Variants in TNFRSF10D observed in about 807,000 individuals in gnomAD.
TNFRSF10D encodes the protein tumor necrosis factor receptor superfamily member 10D.
TNFRSF10D carries 28 observed loss-of-function variants against 42.1 expected under a neutral mutation model. The ratio of observed to expected loss-of-function variants is 0.66; its 90% CI spans 0.49 to 0.91. The LOEUF (loss-of-function observed/expected upper bound fraction) is 0.91, where lower values mean the gene tolerates loss of function less well. Among genes scored for constraint, TNFRSF10D ranks in the 40% least tolerant of loss-of-function variants. The pLI, the probability that TNFRSF10D is intolerant of heterozygous loss-of-function variation, is 0.00. For missense variants in TNFRSF10D, 503 were observed against 486.1 expected, an observed-to-expected ratio of 1.03 and a Z score of -0.33; for synonymous variants, 186 against 189.4, an observed-to-expected ratio of 0.98 and a Z score of 0.15.
Position 23,136,906 on chromosome 8 carries a change from G to T in TNFRSF10D, c.*964C>A, listed in dbSNP as rs1283726708. The T allele has an allele frequency of 1.3e-5, 2 of 152,104 alleles. No homozygotes were observed. The allele number at this position is 152,104 out of a possible 1,614,324, so 9.4% of individuals were successfully genotyped here. A position where few individuals can be genotyped will look rare whatever the true frequency, so the allele number is the denominator to read the frequency against. ...TCAAACCCTGGTCCAGTCTCAGGGC[G>T]CAGGAGGGAGAACTGGAATGCAGTA... On this transcript the variant is annotated 3_prime_UTR_variant, in exon 9 of 9. Transcript: ENST00000312584.
intron 7 of TNFRSF10D, among the ~76,000 whole-genome samples, chr8:23,140,038 T>C (rs6983336): frequency 0.044 from 6,610 of 151,670 alleles, 446 homozygotes; most frequent in African/African-American, 0.14. Flanking sequence ...GCCTGTAATC[T>C]CAGCACTTTG....
At chr8:23,138,416 T>C (rs888116256) in intron 7 of TNFRSF10D, among the ~76,000 whole-genome samples, 156 bp from the exon 8 acceptor site, 4 of 152,200 alleles carry the variant, frequency 2.6e-5, no homozygotes, top group Non-Finnish European at 5.9e-5. Context: ...GCTCTTGGGC[T>C]CTGTGTGCTG....
chr8:23,149,969 C>T (rs1800193789), intron 2 of TNFRSF10D, among the ~76,000 whole-genome samples: 1 of 152,174 alleles, frequency 6.6e-6, no homozygotes, highest in Non-Finnish European at 1.5e-5. Flanking sequence ...CGGTGCCTGA[C>T]TGACAGAAAT....
chr8:23,155,228 A>G (rs1197845031), intron 1 of TNFRSF10D, among the ~76,000 whole-genome samples: 178 of 149,754 alleles, frequency 1.2e-3, no homozygotes, highest in African/African-American at 3.7e-3. Context: ...CCCAGAAAAT[A>G]TGAGCAGAAG....
At chr8:23,163,587 C>A (rs927114738) in intron 1 of TNFRSF10D, among the ~76,000 whole-genome samples, 199 bp downstream of exon 1, 5 of 152,166 alleles carry the variant, frequency 3.3e-5, no homozygotes, top group Non-Finnish European at 7.4e-5. Flanking sequence ...GCGCGCTCTG[C>A]TCCCTCGCGG....
At chr8:23,160,906 C>T (rs1800357804) in intron 1 of TNFRSF10D, among the ~76,000 whole-genome samples, 1 of 152,270 alleles carries the variant, frequency 6.6e-6, no homozygotes, top group African/African-American at 2.4e-5. Flanking sequence ...TGTGGCCCTG[C>T]AGTGCCATCG....
chr8:23,144,723 C>A, intron 6 of TNFRSF10D, 88 bp from the exon 7 acceptor site: 2 of 1,484,908 alleles, frequency 1.3e-6, no homozygotes, highest in Non-Finnish European at 1.8e-6. Flanking sequence ...CATCCCCAAC[C>A]CCTTCCAATG....
intron 2 of TNFRSF10D, among the ~76,000 whole-genome samples, chr8:23,151,299 C>G (rs117650687): frequency 1.3e-3 from 195 of 151,352 alleles, no homozygotes; most frequent in Non-Finnish European, 1.2e-3. Flanking sequence ...CTACACCTGG[C>G]AAGCCTGTCC....
At position 23,144,717 on chromosome 8, in the gene TNFRSF10D, C is replaced by T. The variant is rs558660132; in HGVS notation, c.769-82G>A. Reference sequence around the variant, plus strand: ...CCAGTACACAGCTGGACCTGCCATCCCCAACCCCTTCCAATGAGGTCACCC... The same window carrying T: ...CCAGTACACAGCTGGACCTGCCATCTCCAACCCCTTCCAATGAGGTCACCC... On this transcript the variant is annotated intron_variant, in intron 6 of 8. Coordinates refer to ENST00000312584, the MANE Select transcript of TNFRSF10D (RefSeq NM_003840.5). 63 of 1,505,536 alleles carry T rather than the reference C, an allele frequency of 4.2e-5. No homozygotes were observed. In the African/African-American group the frequency reaches 7.6e-4, roughly 18 times the overall value. 93.3% of individuals were successfully genotyped at this position (1,505,536 alleles called of 1,614,324 possible).
chr8:23,148,618 C>T, intron 2 of TNFRSF10D, 67 bp from the exon 3 acceptor site: 1 of 1,253,638 alleles, frequency 8.0e-7, no homozygotes, highest in African/African-American at 1.5e-5. Context: ...CAATGGCTGG[C>T]AAATTTCTCT....
chr8:23,155,285 G>C (rs1229718877), intron 1 of TNFRSF10D, among the ~76,000 whole-genome samples: 2 of 149,844 alleles, frequency 1.3e-5, no homozygotes, highest in East Asian at 3.9e-4. Context: ...GCCCAGGCTA[G>C]AATGCAGTGT....
chr8:23,147,615 C>T (rs1044730828), intron 3 of TNFRSF10D, among the ~76,000 whole-genome samples: 1 of 152,194 alleles, frequency 6.6e-6, no homozygotes, highest in Non-Finnish European at 1.5e-5. Flanking sequence ...GATTTCCCAG[C>T]CTGGTGGCAT....
intron 7 of TNFRSF10D, among the ~76,000 whole-genome samples, chr8:23,141,747 G>A (rs1162616668): frequency 6.6e-6 from 1 of 152,054 alleles, no homozygotes; most frequent in Non-Finnish European, 1.5e-5. Flanking sequence ...TCAGAGAAAT[G>A]CAAATCAAAA....
intron 1 of TNFRSF10D, among the ~76,000 whole-genome samples, chr8:23,157,380 T>G (rs1428410615): frequency 1.3e-5 from 2 of 152,208 alleles, no homozygotes; most frequent in African/African-American, 4.8e-5. Flanking sequence ...ATAACCAAAT[T>G]TTAGAATTCC....
At chr8:23,145,216 C>G in intron 5 of TNFRSF10D, 127 bp from the exon 6 acceptor site, 1 of 1,176,514 alleles carries the variant, frequency 8.5e-7, no homozygotes, top group South Asian at 1.4e-5. Context: ...GGGCTGGGGA[C>G]AGAATGGGGC....
chr8:23,162,664 G>A (rs1373521124), intron 1 of TNFRSF10D, among the ~76,000 whole-genome samples: 1 of 152,108 alleles, frequency 6.6e-6, no homozygotes, highest in Non-Finnish European at 1.5e-5. Flanking sequence ...AACTCACAAC[G>A]AGAACTTTAC....
intron 4 of TNFRSF10D, among the ~76,000 whole-genome samples, 159 bp downstream of exon 4, chr8:23,146,802 G>A (rs888857541): frequency 1.3e-5 from 2 of 152,098 alleles, no homozygotes; most frequent in Admixed American, 1.3e-4. Flanking sequence ...ACAGGCAGAT[G>A]GACCAGGAGG....
chr8:23,140,842 G>GA (rs111851464), intron 7 of TNFRSF10D, among the ~76,000 whole-genome samples: 13 of 150,268 alleles, frequency 8.7e-5, no homozygotes, highest in African/African-American at 3.3e-4. Flanking sequence ...ATGTGGAACT[G>GA]TGAGTCCATT....
At chr8:23,145,140 C>T in intron 5 of TNFRSF10D, 51 bp from the exon 6 acceptor site, 3 of 1,611,860 alleles carry the variant, frequency 1.9e-6, no homozygotes, top group Admixed American at 1.7e-5. Flanking sequence ...CATGCAGCAC[C>T]TCCCTCCCAG....
Sources: allele counts gnomAD v4.1 joint callset (sites outside exome capture counted in the v4.1 genomes callset), GRCh38; gene constraint gnomAD v4.1.1; transcripts MANE v1.5; gene names NCBI Gene and HGNC (gene_info 2026-07-23, HGNC 2026-07-21).